Variants in KCNU1 observed in about 807,000 individuals in gnomAD.
KCNU1 encodes the protein potassium calcium-activated channel subfamily U member 1, also known as potassium channel subfamily U member 1.
Under a neutral mutation model 126.8 loss-of-function variants are expected in KCNU1, and 93 were observed. That is an observed-to-expected ratio of 0.73 (90% CI 0.62 to 0.87). The LOEUF is 0.87. KCNU1 is among the 40% of genes least tolerant of loss of function. The pLI, the probability that KCNU1 is intolerant of heterozygous loss-of-function variation, is 0.00. For synonymous variants in KCNU1, 523 were observed against 494.2 expected (o/e 1.06, Z -0.77); for missense variants, 1,330 against 1,367.1 (o/e 0.97, Z 0.43).
chr8:36,849,024 T>C (rs2117280839), intron 18 of KCNU1, among the ~76,000 whole-genome samples: 1 of 152,272 alleles, frequency 6.6e-6, no homozygotes, highest in East Asian at 1.9e-4. Context: ...AGTTTCTTTA[T>C]ACAAATAGAG....
intron 19 of KCNU1, among the ~76,000 whole-genome samples, chr8:36,887,442 G>GTTTT (rs71278791): frequency 1.6e-5 from 2 of 124,970 alleles, no homozygotes; most frequent in East Asian, 2.8e-4. Context: ...TTGGCCATTT[G>GTTTT]TTTTTTTTTG....
At chr8:36,880,270 G>C (rs1159294714) in intron 19 of KCNU1, among the ~76,000 whole-genome samples, 1 of 152,110 alleles carries the variant, frequency 6.6e-6, no homozygotes, top group Non-Finnish European at 1.5e-5. Flanking sequence ...GATTTGGATT[G>C]CTCTGGGCAT....
intron 18 of KCNU1, among the ~76,000 whole-genome samples, chr8:36,852,903 A>G (rs1285492726): frequency 6.6e-6 from 1 of 151,842 alleles, no homozygotes; most frequent in Non-Finnish European, 1.5e-5. Flanking sequence ...AATTTTTTCT[A>G]TTCTACAATT....
At chr8:36,918,472 T>C (rs1257139822) in intron 22 of KCNU1, among the ~76,000 whole-genome samples, 1 of 151,458 alleles carries the variant, frequency 6.6e-6, no homozygotes, top group Non-Finnish European at 1.5e-5. Flanking sequence ...GCAGGATCAC[T>C]TGAGCTCAGG....
At chr8:36,884,802 C>T (rs770232685) in intron 19 of KCNU1, among the ~76,000 whole-genome samples, 2 of 151,950 alleles carry the variant, frequency 1.3e-5, no homozygotes, top group Admixed American at 1.3e-4. Context: ...AAAACCAAGC[C>T]TCTTGATTCT....
rs1024846191 is a variant in KCNU1 at position 36,808,810 on chromosome 8, A to G, written c.732+17A>G. On this transcript the variant is annotated intron_variant, in intron 7 of 26. Coordinates refer to ENST00000399881, the MANE Select transcript of KCNU1 (RefSeq NM_001031836.3). Reference sequence around the variant, plus strand: ...ATTCACCTGGTAAGCATCTCATCACAATCCCTAGTGGTGTCTGTTGTTACC... The same window carrying G: ...ATTCACCTGGTAAGCATCTCATCACGATCCCTAGTGGTGTCTGTTGTTACC... 9 of 1,575,662 alleles carry G rather than the reference A, an allele frequency of 5.7e-6. No individual in the cohort carries two copies. The highest frequency in any genetic ancestry group is 1.7e-4 in the Middle Eastern group (1 of 6,024).
chr8:36,821,154 T>C (rs1321682370), intron 10 of KCNU1, among the ~76,000 whole-genome samples: 1 of 152,096 alleles, frequency 6.6e-6, no homozygotes, highest in South Asian at 2.1e-4. Context: ...GCTACTGAAG[T>C]ATAAACATAG....
intron 22 of KCNU1, among the ~76,000 whole-genome samples, chr8:36,917,345 C>A (rs1266214579): frequency 6.7e-6 from 1 of 148,232 alleles, no homozygotes; most frequent in Non-Finnish European, 1.5e-5. Flanking sequence ...CCATTTTCCC[C>A]ACCAACTTCT....
In KCNU1 at chr8:36,854,554, C is replaced by CAAGATTTCT. The variant is rs199829863; in HGVS notation, c.1891+8657_1891+8665dup. Among the ~76,000 whole-genome samples, 273 of 151,288 alleles carry CAAGATTTCT rather than the reference C, an allele frequency of 1.8e-3. 2 individuals carry two copies. The highest frequency in any genetic ancestry group is 6.3e-3 in the African/African-American group (259 of 41,256). On this transcript the variant is annotated intron_variant, in intron 18 of 26. Transcript: ENST00000399881. Reference sequence around the variant, plus strand: ...ATTTTAGTTCTTGTACTTTGAACTCCAAGATTTCTACTTAAAAAAATTTGT... The same window carrying CAAGATTTCT: ...ATTTTAGTTCTTGTACTTTGAACTCCAAGATTTCTAAGATTTCTACTTAAAAAAATTTGT...
intron 19 of KCNU1, among the ~76,000 whole-genome samples, chr8:36,887,661 G>A (rs1563316520): frequency 6.6e-6 from 1 of 152,120 alleles, no homozygotes; most frequent in Non-Finnish European, 1.5e-5. Context: ...ATGGCTGGTA[G>A]AACAGAGATT....
At chr8:36,875,514 T>C (rs938656278) in intron 19 of KCNU1, among the ~76,000 whole-genome samples, 1 of 151,216 alleles carries the variant, frequency 6.6e-6, no homozygotes, top group Non-Finnish European at 1.5e-5. Flanking sequence ...TAGCTAAAAA[T>C]AAGGAGTGGC....
rs886773897 is a variant in KCNU1, at chr8:36,787,356, C to G, written c.246C>G (p.His82Gln). Residue 82 changes from histidine (H) to glutamine (Q), a missense_variant, in exon 2 of 27, where the codon CAC becomes CAG. Coordinates refer to ENST00000399881, the MANE Select transcript of KCNU1 (RefSeq NM_001031836.3). ...TIARSHVRSL[H>Q]FQGQFRDHIE... ...CTAGGAGCCATGTAAGAAGCCTCCA[C>G]TTCCAGGGACAATTTCGTGATCATA... 1.2e-5 allele frequency: 20 copies of G among 1,612,562 alleles called. No individual in the cohort carries two copies. Among genetic ancestry groups the G allele is most frequent in the Non-Finnish European group, 1.6e-5 (19 of 1,179,110 alleles).
chr8:36,857,063 A>G (rs1304998231), intron 18 of KCNU1, among the ~76,000 whole-genome samples: 2 of 152,126 alleles, frequency 1.3e-5, no homozygotes, highest in Non-Finnish European at 1.5e-5. Flanking sequence ...ATTGCTCCCG[A>G]GCTTGCAGGA....
chr8:36,883,487 G>C (rs1025093082), intron 19 of KCNU1, among the ~76,000 whole-genome samples: 2 of 152,126 alleles, frequency 1.3e-5, no homozygotes, highest in African/African-American at 2.4e-5. Flanking sequence ...TTTTCTGGGA[G>C]GAAAGACTTC....
chr8:36,852,255 T>C (rs556017166), intron 18 of KCNU1, among the ~76,000 whole-genome samples: 2 of 152,176 alleles, frequency 1.3e-5, no homozygotes, highest in African/African-American at 4.8e-5. Flanking sequence ...TTTTATACAT[T>C]GTTGGGTTTG....
Position 36,815,586 on chromosome 8 carries a change from T to A in KCNU1, c.904-10T>A, listed in dbSNP as rs762248459. On this transcript the variant is annotated splice_polypyrimidine_tract_variant and intron_variant, in intron 8 of 26. Transcript: ENST00000399881. ...GAGAACTAAGGTTTTATTTTGCTGA[T>A]CAATTTTAGATATTATTTGCGAACT... 2.8e-6 allele frequency: 4 copies of A among 1,441,514 alleles called. No homozygotes were observed. In the South Asian group the frequency reaches 3.7e-5, roughly 13 times the overall value. The allele number at this position is 1,441,514 out of a possible 1,614,324, so 89.3% of individuals were successfully genotyped here.
chr8:36,864,020 G>T (rs1353941075), intron 18 of KCNU1, among the ~76,000 whole-genome samples: 1 of 152,140 alleles, frequency 6.6e-6, no homozygotes, highest in Non-Finnish European at 1.5e-5. Context: ...AGAATGAATT[G>T]CAAGCCTGGG....
Position 36,840,820 on chromosome 8 carries a change from G to A in KCNU1, c.1632-112G>A, listed in dbSNP as rs188009526. On this transcript the variant is annotated intron_variant, in intron 15 of 26. Coordinates refer to ENST00000399881, the MANE Select transcript of KCNU1 (RefSeq NM_001031836.3). ...TACAAGGGATCATTCCACATTGGGAGTTCTTTCCTCTAAGATGTTGGTTTC... is the reference window on the plus strand; with the variant it reads ...TACAAGGGATCATTCCACATTGGGAATTCTTTCCTCTAAGATGTTGGTTTC... The A allele has an allele frequency of 6.3e-6, 5 of 794,832 alleles. No individual in the cohort carries two copies. In the African/African-American group the frequency reaches 6.8e-5, roughly 11 times the overall value. 49.2% of individuals were successfully genotyped at this position (794,832 alleles called of 1,614,324 possible).
Position 36,806,316 on chromosome 8 carries a change from A to C in KCNU1, c.516A>C (p.Ser172=). 6.2e-7 allele frequency: 1 copy of C among 1,611,912 alleles called. No individual in the cohort carries two copies. Among genetic ancestry groups the C allele is most frequent in the Non-Finnish European group, 8.5e-7 (1 of 1,178,958 alleles). Residue 172 remains serine, a synonymous_variant, in exon 5 of 27, where the codon TCA becomes TCC. Transcript: ENST00000399881. ...TCAAGTTCTGGCTGGAGATGAATTCAATCGTAGACATCTTTACCATCCCAC... is the reference window on the plus strand; with the variant it reads ...TCAAGTTCTGGCTGGAGATGAATTCCATCGTAGACATCTTTACCATCCCAC... ...DKIKFWLEMN[S]IVDIFTIPPT...
Sources: gnomAD v4.1 joint callset for allele counts (sites outside exome capture counted in the v4.1 genomes callset) on GRCh38, gnomAD v4.1.1 for gene constraint, MANE v1.5 for transcripts, NCBI Gene and HGNC (gene_info 2026-07-23, HGNC 2026-07-21) for gene names.